Variants in WDFY3 observed in about 807,000 individuals in gnomAD.
The protein encoded by WDFY3 is WD repeat and FYVE domain-containing protein 3.
WDFY3 carries 66 observed loss-of-function variants against 409.6 expected under a neutral mutation model. The observed-to-expected ratio is 0.16, with a 90% CI of 0.13 to 0.20. WDFY3 has a LOEUF of 0.20. Among genes scored for constraint, WDFY3 ranks in the 10% least tolerant of loss-of-function variants. WDFY3 has a pLI of 1.00. For synonymous variants in WDFY3, 1,521 were observed against 1,537.1 expected (o/e 0.99, Z 0.25); for missense variants, 3,031 against 4,298.1 (o/e 0.71, Z 8.24).
intron 29 of WDFY3, among the ~76,000 whole-genome samples, chr4:84,773,937 G>T (rs1362856411): frequency 6.6e-6 from 1 of 152,140 alleles, no homozygotes. Flanking sequence ...GGGCAGGCTG[G>T]TCTTGAACTC....
intron 24 of WDFY3, 51 bp downstream of exon 24, chr4:84,785,928 A>G: frequency 1.3e-6 from 2 of 1,597,232 alleles, no homozygotes; most frequent in Non-Finnish European, 1.7e-6. Flanking sequence ...ACTCTGAGAC[A>G]TGTTCCCAGT....
chr4:84,699,578 A>G (rs1730744236), intron 56 of WDFY3, among the ~76,000 whole-genome samples: 1 of 152,202 alleles, frequency 6.6e-6, no homozygotes, highest in Non-Finnish European at 1.5e-5. Context: ...AAGGAGTGGA[A>G]CTGCTGGGTC....
intron 30 of WDFY3, 123 bp downstream of exon 30, chr4:84,772,712 A>G: frequency 1.3e-6 from 1 of 779,754 alleles, no homozygotes; most frequent in Non-Finnish European, 2.0e-6. Flanking sequence ...ACGTAATGTA[A>G]GGAGAAAAGT....
chr4:84,789,318 A>G (rs1473514059), intron 22 of WDFY3, among the ~76,000 whole-genome samples: 1 of 147,164 alleles, frequency 6.8e-6, no homozygotes, highest in Non-Finnish European at 1.5e-5. Flanking sequence ...GAAAACAAAG[A>G]AAAAAAAACA....
chr4:84,832,875 G>A (rs1296704216), intron 7 of WDFY3, among the ~76,000 whole-genome samples: 2 of 151,788 alleles, frequency 1.3e-5, no homozygotes, highest in Non-Finnish European at 2.9e-5. Context: ...TGCCACTGGC[G>A]AAATGTAATT....
At chr4:84,825,745 CAT>C (rs1754774296) in intron 10 of WDFY3, among the ~76,000 whole-genome samples, 1 of 151,834 alleles carries the variant, frequency 6.6e-6, no homozygotes, top group African/African-American at 2.4e-5. Context: ...TAATACATAA[CAT>C]ATGTATTATA....
At chr4:84,961,696 C>T (rs7661609) in intron 1 of WDFY3, among the ~76,000 whole-genome samples, 61,857 of 151,886 alleles carry the variant, frequency 0.41, 13,140 homozygotes, top group African/African-American at 0.51. Context: ...ACTTTCTATA[C>T]TGAGTCTAAA....
At chr4:84,869,756 T>C (rs967741481) in intron 3 of WDFY3, among the ~76,000 whole-genome samples, 4 of 152,072 alleles carry the variant, frequency 2.6e-5, no homozygotes, top group African/African-American at 4.8e-5. Context: ...AACTAGGATA[T>C]CCATGGAACT....
At chr4:84,788,601 T>C (rs1332228469) in intron 22 of WDFY3, among the ~76,000 whole-genome samples, 1 of 152,202 alleles carries the variant, frequency 6.6e-6, no homozygotes, top group African/African-American at 2.4e-5. Context: ...GTTTATCATA[T>C]TGAAACACAA....
chr4:84,716,957 G>A lies in WDFY3; in HGVS notation c.7814C>T (p.Thr2605Ile), dbSNP rs748711321. 1 of 1,608,712 alleles carries A rather than the reference G, an allele frequency of 6.2e-7. No individual in the cohort carries two copies. The highest frequency in any genetic ancestry group is 8.5e-7 in the Non-Finnish European group (1 of 1,177,164). The change falls in exon 49 of 68, where the codon ACA becomes ATA. Residue 2605 changes from threonine to isoleucine, a missense_variant. By Grantham distance (89) the Thr-to-Ile change is moderately conservative. Around this residue, in one of 16 missense-constraint regions of WDFY3, gnomAD observed 40 missense variants for 54.2 expected, o/e 0.74. Coordinates refer to ENST00000295888, the MANE Select transcript of WDFY3 (RefSeq NM_014991.6). ...ATCTTCATATGCAAAAATGCTGCATGTTCTCTTGAGTTGACTAGGGCCTTG... is the reference window on the plus strand; with the variant it reads ...ATCTTCATATGCAAAAATGCTGCATATTCTCTTGAGTTGACTAGGGCCTTG... ...ARQGPSQLKRTCSIFAYEDIK... is the reference protein window; with the variant it reads ...ARQGPSQLKRICSIFAYEDIK...
chr4:84,810,112 T>A lies in WDFY3; in HGVS notation c.2120A>T (p.Lys707Ile), dbSNP rs770836364. 6.2e-7 allele frequency: 1 copy of A among 1,614,164 alleles called. No homozygotes were observed. The highest frequency in any genetic ancestry group is 1.1e-5 in the South Asian group (1 of 91,086). ...RYEPANSHFF[K>I]TEIQYEKLAD... ...CAACTTCTCATACTGAATCTCTGTT[T>A]TGAAGAAATGAGAGTTGGCTGGCTC... Residue 707 changes from lysine (K) to isoleucine (I), a missense_variant, in exon 14 of 68, where the codon AAA becomes ATA. Lys to Ile is a moderately radical substitution (Grantham distance 102). Around this residue, in one of 16 missense-constraint regions of WDFY3, gnomAD observed 1,322 missense variants for 1,697.9 expected, o/e 0.78. Transcript: ENST00000295888.
intron 36 of WDFY3, 197 bp downstream of exon 36, chr4:84,751,286 C>A (rs1740471972): frequency 1.6e-6 from 1 of 618,510 alleles, no homozygotes; most frequent in Non-Finnish European, 2.8e-6. Flanking sequence ...TAGAGACATC[C>A]TTGAGGGAAG....
chr4:84,769,416 A>G (rs1315060911), intron 30 of WDFY3, among the ~76,000 whole-genome samples: 1 of 151,796 alleles, frequency 6.6e-6, no homozygotes, highest in Non-Finnish European at 1.5e-5. Context: ...TTTTATTATT[A>G]TTATTATTAT....
rs528111875 is a variant in WDFY3, at chr4:84,927,421, T to A, written c.-132+4849A>T. 3.3e-5 allele frequency among the ~76,000 whole-genome samples: 5 copies of A among 152,184 alleles called. No homozygotes were observed. In the South Asian group the frequency reaches 1.0e-3, roughly 32 times the overall value. On this transcript the variant is annotated intron_variant, in intron 2 of 67. Coordinates refer to ENST00000295888, the MANE Select transcript of WDFY3 (RefSeq NM_014991.6). ...AGAAACACAACTATACAGCCTTCCA[T>A]AAGAAGAATTACAGAAAGAACCCAT...
At chr4:84,833,934 T>C (rs1032798387) in intron 7 of WDFY3, among the ~76,000 whole-genome samples, 9 of 152,120 alleles carry the variant, frequency 5.9e-5, no homozygotes, top group African/African-American at 2.2e-4. Context: ...ATTTATAAAA[T>C]CAGTAAATAT....
At chr4:84,711,133 G>C (rs770071602) in intron 51 of WDFY3, among the ~76,000 whole-genome samples, 3 of 152,134 alleles carry the variant, frequency 2.0e-5, no homozygotes, top group Non-Finnish European at 4.4e-5. Flanking sequence ...CTTCTTTCCA[G>C]TCGATTATAA....
Position 84,684,049 on chromosome 4 carries a change from G to A in WDFY3, c.9620C>T (p.Thr3207Met), listed in dbSNP as rs1560523570. 6.8e-6 allele frequency: 11 copies of A among 1,613,502 alleles called. No homozygotes were observed. The highest frequency in any genetic ancestry group is 1.3e-5 in the African/African-American group (1 of 74,924). ...INGNPIVSVN[T>M]FTGRSQQIIC... ...GATCTGCTGGCTCCTACCTGTGAAC[G>A]TGTTGACACTCACGATAGGGTTCCC... Residue 3207 changes from threonine (T) to methionine (M), a missense_variant, in exon 63 of 68, where the codon ACG becomes ATG. Thr to Met is a moderately conservative substitution (Grantham distance 81). Transcript: ENST00000295888.
chr4:84,759,754 G>A (rs1375340415), intron 32 of WDFY3, among the ~76,000 whole-genome samples: 1 of 151,336 alleles, frequency 6.6e-6, no homozygotes, highest in Non-Finnish European at 1.5e-5. Context: ...CTGCAAACAG[G>A]GACAATTTGA....
In WDFY3 at chr4:84,860,764, A is replaced by G. The variant is rs1186033093; in HGVS notation, c.-31-142T>C. 6 of 781,780 alleles carry G rather than the reference A, an allele frequency of 7.7e-6. No homozygotes were observed. In the African/African-American group the frequency reaches 9.0e-5, roughly 12 times the overall value. The allele number at this position is 781,780 out of a possible 1,614,324, so 48.4% of individuals were successfully genotyped here. On this transcript the variant is annotated intron_variant, in intron 3 of 67. Transcript: ENST00000295888. ...CTTTCTACTTCTTTAAACAGAAAAGACAGAGAAGCAAAATTTGATAAATCC... is the reference window on the plus strand; with the variant it reads ...CTTTCTACTTCTTTAAACAGAAAAGGCAGAGAAGCAAAATTTGATAAATCC...
Sources: gnomAD v4.1 joint callset for allele counts (sites outside exome capture counted in the v4.1 genomes callset) on GRCh38, gnomAD v4.1.1 for gene constraint, gnomAD v4.1.1 regional missense constraint, MANE v1.5 for transcripts, NCBI Gene and HGNC (gene_info 2026-07-23, HGNC 2026-07-21) for gene names.